The following SLC24A2 variants were observed in gnomAD, a reference collection of about 807,000 sequenced individuals.
SLC24A2 encodes the protein solute carrier family 24 member 2.
Under a neutral mutation model 62.0 loss-of-function variants are expected in SLC24A2, and 36 were observed. The observed-to-expected ratio is 0.58, with a 90% CI of 0.44 to 0.77. SLC24A2 has a LOEUF of 0.77. Among genes scored for constraint, SLC24A2 ranks in the 30% least tolerant of loss-of-function variants. The pLI is 0.00. For synonymous variants in SLC24A2, 358 were observed against 294.0 expected (o/e 1.22, Z -2.23); for missense variants, 846 against 817.9 (o/e 1.03, Z -0.42).
chr9:19,923,976 T>C, the SLC24A2 span, among the ~76,000 whole-genome samples: 1 of 152,294 alleles, frequency 6.6e-6, no homozygotes, highest in Admixed American at 6.5e-5. Flanking sequence ...TTACTTCAGG[T>C]GGTACACCTG....
the SLC24A2 span, among the ~76,000 whole-genome samples, chr9:20,034,872 A>G: frequency 6.6e-6 from 1 of 152,240 alleles, no homozygotes; most frequent in Non-Finnish European, 1.5e-5. Flanking sequence ...TTCCATTTTA[A>G]GGGAGCTTAT....
At position 19,513,133 on chromosome 9, in the gene SLC24A2, A is replaced by G. The variant is rs1589110953; in HGVS notation, c.*3020T>C. The G allele has an allele frequency of 7.0e-6, 1 of 143,534 alleles. No homozygotes were observed. Among genetic ancestry groups the G allele is most frequent in the East Asian group, 2.1e-4 (1 of 4,816 alleles). 8.9% of individuals were successfully genotyped at this position (143,534 alleles called of 1,614,324 possible). On this transcript the variant is annotated 3_prime_UTR_variant, in exon 11 of 11. Coordinates refer to ENST00000341998, the MANE Select transcript of SLC24A2 (RefSeq NM_020344.4). Reference sequence around the variant, plus strand: ...ATGATGTAAGTCATATTATATGTGTACATATAGATCTGGTATAAAGATATA... The same window carrying G: ...ATGATGTAAGTCATATTATATGTGTGCATATAGATCTGGTATAAAGATATA...
At chr9:19,557,732 T>C (rs1835166172) in intron 7 of SLC24A2, among the ~76,000 whole-genome samples, 1 of 149,498 alleles carries the variant, frequency 6.7e-6, no homozygotes, top group Non-Finnish European at 1.5e-5. Flanking sequence ...ACCCCAGTAA[T>C]GAAACATTTA....
chr9:19,788,050 A>C (rs1192973051), intron 1 of SLC24A2, among the ~76,000 whole-genome samples: 2 of 152,226 alleles, frequency 1.3e-5, no homozygotes, highest in African/African-American at 4.8e-5. Flanking sequence ...ATTCTTTTCC[A>C]TATCAACGAT....
the SLC24A2 span, among the ~76,000 whole-genome samples, chr9:20,286,051 G>A: frequency 6.6e-6 from 1 of 152,200 alleles, no homozygotes; most frequent in Non-Finnish European, 1.5e-5. Flanking sequence ...CCCCTTCCCA[G>A]GAAGGAAGAG....
At position 19,515,678 on chromosome 9, in the gene SLC24A2, TTATA is replaced by T. The variant is rs1257279491; in HGVS notation, c.*471_*474del. On this transcript the variant is annotated 3_prime_UTR_variant, in exon 11 of 11. Coordinates refer to ENST00000341998, the MANE Select transcript of SLC24A2 (RefSeq NM_020344.4). ...TCCCTGAAAAGATGCATTTGTACTT[TTATA>T]TATATCTGATTTTATATATATATAT... 1.3e-5 allele frequency: 2 copies of T among 151,998 alleles called. No individual in the cohort carries two copies. The highest frequency in any genetic ancestry group is 3.8e-4 in the East Asian group (2 of 5,200). 9.4% of individuals were successfully genotyped at this position (151,998 alleles called of 1,614,324 possible). A position where few individuals can be genotyped will look rare whatever the true frequency, so the allele number is the denominator to read the frequency against.
At chr9:19,598,737 C>A (rs1183558204) in intron 4 of SLC24A2, among the ~76,000 whole-genome samples, 1 of 151,974 alleles carries the variant, frequency 6.6e-6, no homozygotes, top group East Asian at 1.9e-4. Context: ...TTTGACATTG[C>A]ACAACTTCGG....
At chr9:20,082,047 G>A in the SLC24A2 span, among the ~76,000 whole-genome samples, 1 of 152,118 alleles carries the variant, frequency 6.6e-6, no homozygotes, top group Non-Finnish European at 1.5e-5. Context: ...ATCCTGGCTT[G>A]ATGAGGTGAG....
At chr9:19,919,964 T>C in the SLC24A2 span, among the ~76,000 whole-genome samples, 1 of 152,102 alleles carries the variant, frequency 6.6e-6, no homozygotes, top group Admixed American at 6.6e-5. Context: ...CAGAGCCCAA[T>C]ATATTCAATA....
intron 4 of SLC24A2, among the ~76,000 whole-genome samples, chr9:19,619,211 C>T (rs577986477): frequency 1.3e-5 from 2 of 152,274 alleles, no homozygotes; most frequent in African/African-American, 4.8e-5. Flanking sequence ...TTAAGGTGCA[C>T]AATTTATCTT....
intron 2 of SLC24A2, among the ~76,000 whole-genome samples, chr9:19,781,555 G>A (rs1485858828): frequency 6.6e-6 from 1 of 152,076 alleles, no homozygotes; most frequent in Non-Finnish European, 1.5e-5. Context: ...TTCACTCTCT[G>A]AATCACAAGC....
At chr9:20,196,205 T>C in the SLC24A2 span, among the ~76,000 whole-genome samples, 39 of 152,338 alleles carry the variant, frequency 2.6e-4, no homozygotes, top group East Asian at 7.3e-3. Flanking sequence ...AATGTAATCT[T>C]TGAATCTGAA....
the SLC24A2 span, among the ~76,000 whole-genome samples, chr9:20,299,657 C>T: frequency 2.0e-5 from 3 of 152,218 alleles, no homozygotes; most frequent in Admixed American, 6.5e-5. Flanking sequence ...ACAATCCTCT[C>T]CCTATTCCTT....
the SLC24A2 span, chr9:19,967,857 G>T: frequency 6.6e-6 from 1 of 152,142 alleles, no homozygotes; most frequent in East Asian, 1.9e-4. Context: ...TACAGGCATG[G>T]AAATTTTGGG....
chr9:20,045,576 C>T, the SLC24A2 span, among the ~76,000 whole-genome samples: 21 of 152,134 alleles, frequency 1.4e-4, no homozygotes, highest in African/African-American at 4.8e-4. Context: ...GGATTACAGG[C>T]GCCCGCTACC....
chr9:19,621,044 T>C (rs1478819980), intron 3 of SLC24A2, among the ~76,000 whole-genome samples: 1 of 152,230 alleles, frequency 6.6e-6, no homozygotes, highest in African/African-American at 2.4e-5. Context: ...ACTACATCAT[T>C]AGACCACTAA....
chr9:20,277,151 A>C, the SLC24A2 span, among the ~76,000 whole-genome samples: 1 of 152,242 alleles, frequency 6.6e-6, no homozygotes, highest in African/African-American at 2.4e-5. Context: ...AAACCTAGGC[A>C]ATACCATTCA....
chr9:20,268,256 T>C, the SLC24A2 span, among the ~76,000 whole-genome samples: 2 of 152,142 alleles, frequency 1.3e-5, no homozygotes, highest in Non-Finnish European at 2.9e-5. Context: ...TCACAGCCAA[T>C]AGCCCCATGG....
chr9:20,034,907 T>A, the SLC24A2 span, among the ~76,000 whole-genome samples: 2 of 152,174 alleles, frequency 1.3e-5, no homozygotes, highest in East Asian at 3.9e-4. Flanking sequence ...TTGGTGAACG[T>A]GCATGTTTGA....
Sources: gnomAD v4.1 joint callset for allele counts (sites outside exome capture counted in the v4.1 genomes callset) on GRCh38, gnomAD v4.1.1 for gene constraint, MANE v1.5 for transcripts, NCBI Gene and HGNC (gene_info 2026-07-23, HGNC 2026-07-21) for gene names.